HDHD2: variants seen among roughly 807,000 people sequenced by gnomAD.
HDHD2 encodes haloacid dehalogenase-like hydrolase domain-containing protein 2.
A neutral mutation model predicts 24.8 loss-of-function variants in HDHD2; 26 were observed. The observed-to-expected ratio is 1.05, with a 90% CI of 0.77 to 1.45. HDHD2 has a LOEUF of 1.45. Ranked by LOEUF, HDHD2 falls within the 40% of genes most tolerant of loss-of-function variation. The pLI is 0.00. For synonymous variants in HDHD2, 128 were observed against 114.9 expected, an observed-to-expected ratio of 1.11 and a Z score of -0.73; for missense variants, 299 against 313.4, an observed-to-expected ratio of 0.95 and a Z score of 0.35.
intron 4 of HDHD2, among the ~76,000 whole-genome samples, chr18:47,119,408 T>C (rs1337761850): frequency 2.0e-5 from 3 of 152,232 alleles, no homozygotes; most frequent in Admixed American, 1.3e-4. Context: ...TTCAACAACG[T>C]TCGAAGCATC....
intron 1 of HDHD2, among the ~76,000 whole-genome samples, chr18:47,146,922 A>G (rs905937355): frequency 3.3e-5 from 5 of 152,214 alleles, no homozygotes; most frequent in African/African-American, 1.2e-4. Flanking sequence ...AAGGTCTGGC[A>G]ATACTCTACT....
chr18:47,118,116 C>A (rs2063571957), intron 4 of HDHD2, among the ~76,000 whole-genome samples: 1 of 151,882 alleles, frequency 6.6e-6, no homozygotes, highest in Admixed American at 6.6e-5. Flanking sequence ...AAATCCTAGC[C>A]CAGGGAGCAG....
At chr18:47,134,026 G>T (rs961522942) in intron 3 of HDHD2, among the ~76,000 whole-genome samples, 1 of 152,134 alleles carries the variant, frequency 6.6e-6, no homozygotes, top group Non-Finnish European at 1.5e-5. Context: ...ATTGCTTTTG[G>T]TGTTTTACAC....
chr18:47,124,354 A>C (rs1441215456), intron 4 of HDHD2, among the ~76,000 whole-genome samples: 1 of 152,236 alleles, frequency 6.6e-6, no homozygotes, highest in African/African-American at 2.4e-5. Context: ...AAGGCAAATC[A>C]AAGATAGGGA....
intron 4 of HDHD2, among the ~76,000 whole-genome samples, chr18:47,124,747 A>G (rs1397095251): frequency 1.3e-5 from 2 of 151,136 alleles, no homozygotes; most frequent in East Asian, 3.9e-4. Context: ...ACAAATCAGT[A>G]AGAAAAAGAC....
At chr18:47,131,414 G>A (rs1291039055) in intron 3 of HDHD2, among the ~76,000 whole-genome samples, 1 of 152,106 alleles carries the variant, frequency 6.6e-6, no homozygotes, top group Non-Finnish European at 1.5e-5. Flanking sequence ...GTATTCTCCA[G>A]TAGTTTCTTT....
chr18:47,121,415 C>T (rs1475059985), intron 4 of HDHD2, among the ~76,000 whole-genome samples: 2 of 152,172 alleles, frequency 1.3e-5, no homozygotes, highest in Non-Finnish European at 2.9e-5. Context: ...CCCACCACCT[C>T]CACATCCCTA....
intron 5 of HDHD2, among the ~76,000 whole-genome samples, chr18:47,113,258 T>C (rs531893431): frequency 4.6e-5 from 7 of 152,218 alleles, no homozygotes; most frequent in Non-Finnish European, 1.0e-4. Flanking sequence ...AGGTATAGAA[T>C]AGAGTAGTAA....
chr18:47,138,022 T>C (rs1361606032), intron 1 of HDHD2, among the ~76,000 whole-genome samples: 2 of 151,364 alleles, frequency 1.3e-5, no homozygotes, highest in Non-Finnish European at 2.9e-5. Context: ...AAAAATTAGC[T>C]GGGCATGGTG....
intron 1 of HDHD2, among the ~76,000 whole-genome samples, chr18:47,141,518 T>C (rs994593062): frequency 6.6e-6 from 1 of 152,194 alleles, no homozygotes; most frequent in African/African-American, 2.4e-5. Context: ...TCCTCATATA[T>C]TATTTCAAAT....
chr18:47,140,678 C>T (rs1487005055), intron 1 of HDHD2, among the ~76,000 whole-genome samples: 1 of 152,068 alleles, frequency 6.6e-6, no homozygotes, highest in Non-Finnish European at 1.5e-5. Flanking sequence ...ACCACCACGC[C>T]TGGCTAATTT....
At chr18:47,147,257 A>G (rs1207425000) in intron 1 of HDHD2, among the ~76,000 whole-genome samples, 1 of 152,180 alleles carries the variant, frequency 6.6e-6, no homozygotes, top group Non-Finnish European at 1.5e-5. Flanking sequence ...AAATATATTA[A>G]GAGCTGTGGT....
At chr18:47,109,097 C>G (rs1192098762) in intron 6 of HDHD2, 2 of 288,684 alleles carry the variant, frequency 6.9e-6, no homozygotes, top group Non-Finnish European at 6.4e-6. Flanking sequence ...CCCCTACCCT[C>G]AGCTCTAAAG....
At chr18:47,118,572 G>A (rs949617698) in intron 4 of HDHD2, among the ~76,000 whole-genome samples, 10 of 152,128 alleles carry the variant, frequency 6.6e-5, no homozygotes, top group African/African-American at 1.7e-4. Flanking sequence ...CACAGACTCC[G>A]GCCTGTTGGG....
Position 47,136,380 on chromosome 18 carries a change from A to T in HDHD2, c.60T>A (p.Ile20=), listed in dbSNP as rs1199146750. ...VLVDLSGTLH[I]EDAAVPGAQE... ...GTGCGCCTGGCACAGCTGCATCTTC[A>T]ATGTGAAGTGTGCCACTGAGATCTA... Residue 20 remains isoleucine (I), a synonymous_variant, in exon 2 of 7, where the codon ATT becomes ATA. Coordinates refer to ENST00000300605, the MANE Select transcript of HDHD2 (RefSeq NM_032124.5). 3 of 1,613,348 alleles carry T rather than the reference A, an allele frequency of 1.9e-6. No homozygotes were observed. Among genetic ancestry groups the T allele is most frequent in the East Asian group, 4.5e-5 (2 of 44,894 alleles).
At chr18:47,139,758 G>C (rs72907232) in intron 1 of HDHD2, among the ~76,000 whole-genome samples, 1 of 152,144 alleles carries the variant, frequency 6.6e-6, no homozygotes, top group Non-Finnish European at 1.5e-5. Context: ...ACTGGTATCT[G>C]CTGCAGAACT....
chr18:47,147,228 G>A (rs2063880524), intron 1 of HDHD2, among the ~76,000 whole-genome samples: 1 of 152,130 alleles, frequency 6.6e-6, no homozygotes. Flanking sequence ...GAGGGAAAAA[G>A]AAGACTGCAG....
intron 5 of HDHD2, among the ~76,000 whole-genome samples, chr18:47,114,668 G>C (rs111275664): frequency 8.5e-5 from 13 of 152,066 alleles, no homozygotes; most frequent in Non-Finnish European, 1.3e-4. Flanking sequence ...AATAGCTTTA[G>C]CTATTTGTGG....
At chr18:47,116,578 C>T (rs1206640038) in intron 4 of HDHD2, among the ~76,000 whole-genome samples, 1 of 152,194 alleles carries the variant, frequency 6.6e-6, no homozygotes, top group Non-Finnish European at 1.5e-5. Flanking sequence ...ACAGATCCTT[C>T]AAATTTATTC....
Sources: gnomAD v4.1 joint callset for allele counts (sites outside exome capture counted in the v4.1 genomes callset) on GRCh38, gnomAD v4.1.1 for gene constraint, MANE v1.5 for transcripts, NCBI Gene and HGNC (gene_info 2026-07-23, HGNC 2026-07-21) for gene names.